The following SMG6 variants were observed in gnomAD, a reference collection of about 807,000 sequenced individuals.
SMG6 encodes the protein telomerase-binding protein EST1A.
In SMG6, 66 loss-of-function variants were observed where a neutral mutation model predicts 142.2. That is an observed-to-expected ratio of 0.46 (90% CI 0.38 to 0.57). The LOEUF is 0.57. Ranked by LOEUF, SMG6 falls within the 20% of genes least tolerant of loss-of-function variation. SMG6 has a pLI of 0.00. For missense variants in SMG6, 1,793 were observed against 1,832.0 expected (o/e 0.98, Z 0.39); for synonymous variants, 779 against 702.4 (o/e 1.11, Z -1.72).
At chr17:2,157,339 CA>C (rs1451248928) in intron 13 of SMG6, among the ~76,000 whole-genome samples, 2 of 152,204 alleles carry the variant, frequency 1.3e-5, no homozygotes, top group African/African-American at 4.8e-5. Context: ...CGATGCAACA[CA>C]AATGTTTTCC....
At chr17:2,225,809 G>T (rs1290400775) in intron 10 of SMG6, among the ~76,000 whole-genome samples, 2 of 152,156 alleles carry the variant, frequency 1.3e-5, no homozygotes, top group African/African-American at 4.8e-5. Context: ...AGTGCTGGGG[G>T]TAAGGAGTAG....
chr17:2,141,193 T>A (rs1016291443), intron 13 of SMG6, among the ~76,000 whole-genome samples: 2 of 152,232 alleles, frequency 1.3e-5, no homozygotes, highest in African/African-American at 4.8e-5. Context: ...GTGGAAATAG[T>A]AACTTTCCAT....
chr17:2,060,976 C>T lies in SMG6; in HGVS notation c.*516G>A, dbSNP rs1045524. On this transcript the variant is annotated 3_prime_UTR_variant, in exon 19 of 19. Transcript: ENST00000263073. ...TGGGTTCATGGGCGAGTCCAGGCCT[C>T]AGGGAGACTGGGGACACACACCCTG... The T allele has an allele frequency of 2.3e-4, 36 of 155,178 alleles. No individual in the cohort carries two copies. The highest frequency in any genetic ancestry group is 5.0e-4 in the Non-Finnish European group (35 of 69,726). The allele number at this position is 155,178 out of a possible 1,614,324, so 9.6% of individuals were successfully genotyped here. A position where few individuals can be genotyped will look rare whatever the true frequency, so the allele number is the denominator to read the frequency against.
At chr17:2,253,158 T>TA (rs56289234) in intron 8 of SMG6, among the ~76,000 whole-genome samples, 12,032 of 147,090 alleles carry the variant, frequency 0.082, 619 homozygotes, top group African/African-American at 0.13. Context: ...TTTATTTATT[T>TA]TGAGATGGAG....
At chr17:2,303,022 C>T (rs2151423434) in intron 1 of SMG6, 1 of 985,448 alleles carries the variant, frequency 1.0e-6, no homozygotes, top group Middle Eastern at 5.2e-4. Flanking sequence ...ACTTTCCTGA[C>T]GTGGCTGGAG....
chr17:2,075,467 A>G (rs1454443713), intron 15 of SMG6, among the ~76,000 whole-genome samples: 1 of 152,218 alleles, frequency 6.6e-6, no homozygotes, highest in Non-Finnish European at 1.5e-5. Context: ...GCAACTGCTC[A>G]GGAAACCTGA....
At chr17:2,272,020 T>C (rs1472199912) in intron 8 of SMG6, among the ~76,000 whole-genome samples, 1 of 152,206 alleles carries the variant, frequency 6.6e-6, no homozygotes, top group Non-Finnish European at 1.5e-5. Context: ...CAGTGAGAAA[T>C]TCCAGAAACA....
chr17:2,160,384 A>G (rs1322435953), intron 13 of SMG6, among the ~76,000 whole-genome samples: 1 of 152,060 alleles, frequency 6.6e-6, no homozygotes, highest in African/African-American at 2.4e-5. Flanking sequence ...AAACCTGGTT[A>G]ATTTTTGTAT....
At chr17:2,069,985 C>CGTAA (rs2068055952) in intron 15 of SMG6, among the ~76,000 whole-genome samples, 1 of 152,162 alleles carries the variant, frequency 6.6e-6, no homozygotes, top group Non-Finnish European at 1.5e-5. Context: ...TAGTCATATG[C>CGTAA]TTACTAGTGC....
intron 10 of SMG6, among the ~76,000 whole-genome samples, chr17:2,195,070 T>C (rs1351327675): frequency 2.6e-5 from 4 of 152,154 alleles, no homozygotes; most frequent in African/African-American, 9.7e-5. Flanking sequence ...GAACTGGTGC[T>C]CCCTGTGGAA....
chr17:2,106,502 T>C (rs2069159136), intron 13 of SMG6, among the ~76,000 whole-genome samples: 1 of 152,038 alleles, frequency 6.6e-6, no homozygotes, highest in Admixed American at 6.5e-5. Context: ...AGGCTATAGT[T>C]AGAGAGGAAA....
rs758183401 is a variant in SMG6 at position 2,298,975 on chromosome 17, A to G, written c.1778T>C (p.Leu593Pro). The G allele has an allele frequency of 2.6e-5, 42 of 1,614,026 alleles. No individual in the cohort carries two copies. The highest frequency in any genetic ancestry group is 3.6e-5 in the Non-Finnish European group (42 of 1,180,034). Residue 593 changes from leucine (L) to proline (P), a missense_variant, in exon 2 of 19, where the codon CTG becomes CCG. Transcript: ENST00000263073. The stretch of plus-strand genomic sequence containing the variant: ...CCTGGAGAGCAGGTTGCTGAGCTGC[A>G]GTTCCTGGTTGTCAGCCACCCGGAG... The part of the protein sequence containing the change: ...RLLRVADNQE[L>P]QLSNLLSRDR...
intron 10 of SMG6, among the ~76,000 whole-genome samples, chr17:2,219,827 GAAAAAGA>G (rs1326884898): frequency 2.1e-5 from 3 of 145,076 alleles, no homozygotes; most frequent in African/African-American, 7.6e-5. Context: ...AAAAAGAAAA[GAAAAAGA>G]AAAAAGAAAA....
chr17:2,205,171 C>A (rs1031064123), intron 10 of SMG6, among the ~76,000 whole-genome samples: 1 of 152,048 alleles, frequency 6.6e-6, no homozygotes, highest in Non-Finnish European at 1.5e-5. Flanking sequence ...CAGGATCAAG[C>A]GATTCTCCTG....
At chr17:2,168,440 C>T (rs907999944) in intron 13 of SMG6, among the ~76,000 whole-genome samples, 2 of 152,142 alleles carry the variant, frequency 1.3e-5, no homozygotes, top group Admixed American at 1.3e-4. Context: ...GCCTCAGCCT[C>T]CCAGAGTGTT....
chr17:2,123,974 C>G (rs1305287455), intron 13 of SMG6, among the ~76,000 whole-genome samples: 1 of 152,234 alleles, frequency 6.6e-6, no homozygotes, highest in Non-Finnish European at 1.5e-5. Context: ...ACTGAGAGGC[C>G]AGCTTCTTGC....
chr17:2,286,993 G>A (rs374191916), intron 6 of SMG6, among the ~76,000 whole-genome samples: 3 of 142,314 alleles, frequency 2.1e-5, no homozygotes, highest in South Asian at 2.2e-4. Context: ...GTGCAGTGGC[G>A]TGATCTTGGC....
chr17:2,281,946 C>T (rs1437964576), intron 8 of SMG6, among the ~76,000 whole-genome samples: 1 of 152,190 alleles, frequency 6.6e-6, no homozygotes, highest in Non-Finnish European at 1.5e-5. Context: ...CTTTATACTT[C>T]AATTGACCAA....
chr17:2,118,019 G>C (rs1470531870), intron 13 of SMG6, among the ~76,000 whole-genome samples: 1 of 152,146 alleles, frequency 6.6e-6, no homozygotes, highest in African/African-American at 2.4e-5. Flanking sequence ...AAGGCAGGGG[G>C]ATCACTTGAG....
Sources: allele counts gnomAD v4.1 joint callset (sites outside exome capture counted in the v4.1 genomes callset), GRCh38; gene constraint gnomAD v4.1.1; transcripts MANE v1.5; gene names NCBI Gene and HGNC (gene_info 2026-07-23, HGNC 2026-07-21).